ADARB2: variants seen among roughly 807,000 people sequenced by gnomAD.
ADARB2 encodes adenosine deaminase RNA specific B2 (inactive).
Under a neutral mutation model 62.2 loss-of-function variants are expected in ADARB2, and 25 were observed. That is an observed-to-expected ratio of 0.40 (90% CI 0.29 to 0.56). ADARB2 has a LOEUF of 0.56. Among genes scored for constraint, ADARB2 ranks in the 20% least tolerant of loss-of-function variants. The probability of loss-of-function intolerance (pLI) is 0.43; values close to 1 mark genes in which losing one functional copy is unlikely to be tolerated. For missense variants in ADARB2, 1,071 were observed against 1,077.4 expected (o/e 0.99, Z 0.08); for synonymous variants, 572 against 500.8 (o/e 1.14, Z -1.90).
intron 1 of ADARB2, among the ~76,000 whole-genome samples, chr10:1,406,437 A>AG (rs1227749910): frequency 2.0e-5 from 3 of 152,046 alleles, no homozygotes; most frequent in Non-Finnish European, 4.4e-5. Flanking sequence ...GGAAGGCTGG[A>AG]GGGGTCACTG....
intron 8 of ADARB2, chr10:1,187,785 C>T (rs1024020900): frequency 2.9e-5 from 11 of 380,070 alleles, no homozygotes; most frequent in Middle Eastern, 3.7e-4. Context: ...GGTGGGGCAG[C>T]GAGGGAGGCG....
chr10:1,695,689 AATGT>A (rs1834731508), intron 1 of ADARB2, among the ~76,000 whole-genome samples: 1 of 151,848 alleles, frequency 6.6e-6, no homozygotes, highest in Non-Finnish European at 1.5e-5. Context: ...AAGAAACATG[AATGT>A]GTGTGCATGT....
intron 7 of ADARB2, among the ~76,000 whole-genome samples, chr10:1,204,090 TG>T (rs1564219073): frequency 6.6e-6 from 1 of 152,132 alleles, no homozygotes; most frequent in Admixed American, 6.5e-5. Flanking sequence ...CTGGCCAGTC[TG>T]GGGGTGACAT....
At chr10:1,623,268 G>A (rs1833728831) in intron 1 of ADARB2, among the ~76,000 whole-genome samples, 1 of 152,162 alleles carries the variant, frequency 6.6e-6, no homozygotes, top group South Asian at 2.1e-4. Flanking sequence ...GAGGACGTGA[G>A]GCGCATCCCA....
At chr10:1,321,323 T>C (rs1356407305) in intron 3 of ADARB2, among the ~76,000 whole-genome samples, 5 of 152,150 alleles carry the variant, frequency 3.3e-5, no homozygotes, top group Admixed American at 3.3e-4. Context: ...AAACAGCCCA[T>C]TGAGAGCAAA....
chr10:1,612,110 G>A (rs1039859300), intron 1 of ADARB2, among the ~76,000 whole-genome samples: 1 of 152,218 alleles, frequency 6.6e-6, no homozygotes, highest in Non-Finnish European at 1.5e-5. Flanking sequence ...CCTGTGACTC[G>A]GTTCCTCCCC....
intron 1 of ADARB2, among the ~76,000 whole-genome samples, chr10:1,728,288 C>T (rs1835191527): frequency 6.6e-6 from 1 of 152,200 alleles, no homozygotes; most frequent in Non-Finnish European, 1.5e-5. Context: ...TAGTGTTTCT[C>T]TCCATACTCT....
Position 1,242,181 on chromosome 10 carries a change from G to A in ADARB2, c.1311C>T (p.Ala437=). The A allele has an allele frequency of 3.1e-6, 5 of 1,610,908 alleles. No individual in the cohort carries two copies. Among genetic ancestry groups the A allele is most frequent in the Non-Finnish European group, 4.2e-6 (5 of 1,179,590 alleles). Residue 437 remains alanine, a synonymous_variant, in exon 5 of 10, where the codon GCC becomes GCT. Transcript: ENST00000381312. The stretch of plus-strand genomic sequence containing the variant: ...AGAGGAAGTGCAGGAACGCCCGCCG[G>A]GCCACGACCTCCGCGTGGCAGTCAT... ...VVNDCHAEVV[A]RRAFLHFLYT...
chr10:1,433,428 G>C (rs538645319), intron 1 of ADARB2, among the ~76,000 whole-genome samples: 1 of 152,212 alleles, frequency 6.6e-6, no homozygotes, highest in Non-Finnish European at 1.5e-5. Context: ...TGTCACCAGG[G>C]AAGTGGATTA....
intron 2 of ADARB2, 21 bp from the exon 3 acceptor site, chr10:1,363,938 G>A (rs962046075): frequency 1.4e-6 from 2 of 1,429,234 alleles, no homozygotes; most frequent in Non-Finnish European, 9.1e-7. Context: ...GAACAGACCA[G>A]TCAGGAGCCT....
At chr10:1,620,009 A>T (rs1475880690) in intron 1 of ADARB2, among the ~76,000 whole-genome samples, 2 of 152,174 alleles carry the variant, frequency 1.3e-5, no homozygotes, top group African/African-American at 4.8e-5. Flanking sequence ...GCACTAAAAC[A>T]AAATTATATT....
intron 3 of ADARB2, among the ~76,000 whole-genome samples, chr10:1,332,354 T>C (rs1234754248): frequency 6.6e-6 from 1 of 151,056 alleles, no homozygotes; most frequent in East Asian, 1.9e-4. Context: ...AGGTTGAGGC[T>C]GCAGTGAGCT....
At chr10:1,351,669 C>A (rs917283321) in intron 3 of ADARB2, among the ~76,000 whole-genome samples, 2 of 151,962 alleles carry the variant, frequency 1.3e-5, no homozygotes, top group Non-Finnish European at 2.9e-5. Context: ...CGATCATGCA[C>A]CCCTCACCAT....
chr10:1,199,404 G>T (rs1836953688), intron 8 of ADARB2: 2 of 152,430 alleles, frequency 1.3e-5, no homozygotes, highest in African/African-American at 4.8e-5. Flanking sequence ...TGGGGAAGTA[G>T]AGGCTTGGGG....
At chr10:1,215,856 G>A (rs370960920) in intron 7 of ADARB2, 2 of 152,392 alleles carry the variant, frequency 1.3e-5, no homozygotes, top group East Asian at 3.9e-4. Flanking sequence ...GCGCTTTCAG[G>A]GCGTCAGACC....
Position 1,398,403 on chromosome 10 carries a change from C to T in ADARB2, c.101-19243G>A, listed in dbSNP as rs1216765110. On this transcript the variant is annotated intron_variant, in intron 1 of 9. Coordinates refer to ENST00000381312, the MANE Select transcript of ADARB2 (RefSeq NM_018702.4). This position sits in a 1 kb window ranked among gnomAD's most constrained non-coding sequence, Gnocchi z 4.1. ...GCTCCTCGGGACATCTGGCCTTTCA[C>T]CTGTGCATGGTTGGGAGGGAGACGG... Among the ~76,000 whole-genome samples the T allele has an allele frequency of 6.6e-6, 1 of 152,252 alleles. No individual in the cohort carries two copies. Among genetic ancestry groups the T allele is most frequent in the Non-Finnish European group, 1.5e-5 (1 of 68,050 alleles).
At chr10:1,657,804 C>T (rs1281687637) in intron 1 of ADARB2, among the ~76,000 whole-genome samples, 1 of 152,202 alleles carries the variant, frequency 6.6e-6, no homozygotes, top group African/African-American at 2.4e-5. Flanking sequence ...AGCCTCCCTC[C>T]CGGTCTTTCT....
chr10:1,580,260 C>T (rs1588310612), intron 1 of ADARB2, among the ~76,000 whole-genome samples: 2 of 152,262 alleles, frequency 1.3e-5, no homozygotes, highest in South Asian at 4.1e-4. Context: ...TCAATCCTTG[C>T]CCTCCTCCTG....
At chr10:1,706,903 G>GTTGGGCAGGAAGTAGGGTTTAA (rs1564200503) in intron 1 of ADARB2, among the ~76,000 whole-genome samples, 1 of 148,128 alleles carries the variant, frequency 6.8e-6, no homozygotes, top group African/African-American at 2.5e-5. Flanking sequence ...TGGGGTTTTT[G>GTTGGGCAGGAAGTAGGGTTTAA]TTGGGCAGGA....
Sources: allele counts gnomAD v4.1 joint callset (sites outside exome capture counted in the v4.1 genomes callset), GRCh38; gene constraint gnomAD v4.1.1; non-coding constraint Gnocchi (gnomAD v3.1); transcripts MANE v1.5; gene names NCBI Gene and HGNC (gene_info 2026-07-23, HGNC 2026-07-21).